The following MYO9A variants were observed in gnomAD, a reference collection of about 807,000 sequenced individuals.
MYO9A encodes the protein unconventional myosin-IXa.
MYO9A carries 103 observed loss-of-function variants against 293.3 expected under a neutral mutation model. That is an observed-to-expected ratio of 0.35 (90% CI 0.30 to 0.41). MYO9A has a LOEUF of 0.41. Among genes scored for constraint, MYO9A ranks in the 10% least tolerant of loss-of-function variants. The probability of loss-of-function intolerance (pLI) is 1.00; values close to 1 mark genes in which losing one functional copy is unlikely to be tolerated. For synonymous variants in MYO9A, 1,001 were observed against 1,035.7 expected (o/e 0.97, Z 0.64); for missense variants, 2,685 against 3,033.0 (o/e 0.89, Z 2.69).
At chr15:72,033,688 C>A (rs1387433044) in intron 2 of MYO9A, among the ~76,000 whole-genome samples, 1 of 152,158 alleles carries the variant, frequency 6.6e-6, no homozygotes. Context: ...TAAAGATAAT[C>A]TATAGCTCAA....
intron 23 of MYO9A, 79 bp downstream of exon 23, chr15:71,901,112 T>C (rs2057469924): frequency 7.0e-7 from 1 of 1,435,038 alleles, no homozygotes; most frequent in Non-Finnish European, 9.3e-7. Context: ...GAAAATGTTT[T>C]ACAGTAAAAA....
intron 18 of MYO9A, among the ~76,000 whole-genome samples, chr15:71,926,985 C>A (rs1319783484): frequency 6.6e-6 from 1 of 152,090 alleles, no homozygotes; most frequent in Non-Finnish European, 1.5e-5. Flanking sequence ...GTGGGCTGGC[C>A]CTCAGGACCT....
At position 71,830,254 on chromosome 15, in the gene MYO9A, G is replaced by C; in HGVS notation, c.6895C>G (p.Arg2299Gly). ...YPGPSSPVVVRLPSVSDVSEE... is the reference protein window; with the variant it reads ...YPGPSSPVVVGLPSVSDVSEE... ...GAGACATCAGACACAGAAGGCAACC[G>C]AACTACAACAGGAGACGATGGACCT... Residue 2299 changes from arginine to glycine, a missense_variant, in exon 40 of 42, where the codon CGG becomes GGG. Around this residue, in one of 10 missense-constraint regions of MYO9A, gnomAD observed 350 missense variants for 328.9 expected, o/e 1.06. Coordinates refer to ENST00000356056, the MANE Select transcript of MYO9A (RefSeq NM_006901.4). The C allele has an allele frequency of 6.2e-7, 1 of 1,614,006 alleles. No individual in the cohort carries two copies. The highest frequency in any genetic ancestry group is 1.1e-5 in the South Asian group (1 of 91,068).
At chr15:71,828,465 T>C (rs972312366) in intron 40 of MYO9A, among the ~76,000 whole-genome samples, 1 of 152,170 alleles carries the variant, frequency 6.6e-6, no homozygotes, top group Admixed American at 6.5e-5. Context: ...CTTAAACTAT[T>C]TTCCATGAAG....
At chr15:72,026,275 G>GAAAAAAAAAA (rs35491673) in intron 4 of MYO9A, among the ~76,000 whole-genome samples, 1 of 63,496 alleles carries the variant, frequency 1.6e-5, no homozygotes, top group East Asian at 4.4e-4. Flanking sequence ...TCCGTCTCAA[G>GAAAAAAAAAA]AAAAAAAAAA....
chr15:72,009,751 T>G (rs2077119490), intron 7 of MYO9A, among the ~76,000 whole-genome samples: 1 of 152,030 alleles, frequency 6.6e-6, no homozygotes, highest in Non-Finnish European at 1.5e-5. Context: ...GACATATTCA[T>G]CAGCACGACT....
At chr15:72,098,795 G>T (rs1458356035) in intron 1 of MYO9A, among the ~76,000 whole-genome samples, 1 of 151,760 alleles carries the variant, frequency 6.6e-6, no homozygotes, top group African/African-American at 2.4e-5. Flanking sequence ...AATATAATGA[G>T]ACCACACCCC....
chr15:71,982,005 A>ATTTTTTTTTTTTTTT lies in MYO9A; in HGVS notation c.1723-3728_1723-3714dup, dbSNP rs750930471. ...TTGTTCAACCTCTAGCCTATTTAGAATTTTTTTTTTTTTTTTTTTTTTTTT... is the reference window on the plus strand; with the variant it reads ...TTGTTCAACCTCTAGCCTATTTAGAATTTTTTTTTTTTTTTTTTTTTTTTTTTTTTTTTTTTTTTT... On this transcript the variant is annotated intron_variant, in intron 11 of 41. Coordinates refer to ENST00000356056, the MANE Select transcript of MYO9A (RefSeq NM_006901.4). 8.9e-5 allele frequency among the ~76,000 whole-genome samples: 5 copies of ATTTTTTTTTTTTTTT among 56,258 alleles called. 2 individuals are homozygous for ATTTTTTTTTTTTTTT. The highest frequency in any genetic ancestry group is 4.4e-4 in the African/African-American group (5 of 11,462). The allele number at this position is 56,258 out of a possible 152,430, so 36.9% of individuals were successfully genotyped here. A position where few individuals can be genotyped will look rare whatever the true frequency, so the allele number is the denominator to read the frequency against.
rs186662834 is a variant in MYO9A at position 72,097,940 on chromosome 15, A to T, written c.-72+19740T>A. Among the ~76,000 whole-genome samples the T allele has an allele frequency of 4.9e-3, 741 of 151,970 alleles. 4 individuals carry two copies. Among genetic ancestry groups the T allele is most frequent in the Non-Finnish European group, 5.5e-3 (374 of 67,950 alleles). ...AAATAAATAAAATAAAAATTTTTTTAAAAAAAAGAAGAAACAGAAAAAGAA... is the reference window on the plus strand; with the variant it reads ...AAATAAATAAAATAAAAATTTTTTTTAAAAAAAGAAGAAACAGAAAAAGAA... On this transcript the variant is annotated intron_variant, in intron 1 of 41. Transcript: ENST00000356056.
chr15:72,005,401 C>T (rs1195320244), intron 8 of MYO9A, among the ~76,000 whole-genome samples: 1 of 152,074 alleles, frequency 6.6e-6, no homozygotes, highest in South Asian at 2.1e-4. Flanking sequence ...GAAACAGAAG[C>T]CCTGGTTTCT....
At chr15:72,059,703 A>G (rs1355534608) in intron 1 of MYO9A, among the ~76,000 whole-genome samples, 2 of 152,204 alleles carry the variant, frequency 1.3e-5, no homozygotes, top group Non-Finnish European at 2.9e-5. Flanking sequence ...TTTTCATGAA[A>G]AGCCTCTCAC....
chr15:71,826,648 T>G lies in MYO9A; in HGVS notation c.7579A>C (p.Thr2527Pro). Residue 2527 changes from threonine (T) to proline (P), a missense_variant, in exon 42 of 42, where the codon ACT (threonine) becomes CCT (proline). By Grantham distance (38) the Thr-to-Pro change is conservative. Around this residue, in one of 10 missense-constraint regions of MYO9A, gnomAD observed 350 missense variants for 328.9 expected, o/e 1.06. Coordinates refer to ENST00000356056, the MANE Select transcript of MYO9A (RefSeq NM_006901.4). ...EGTVMSGRRK[T>P]VDPDCTSNQQ... ...TTGGAGGTGCAGTCTGGGTCCACAG[T>G]TTTTCTGCGGCCAGACATGACTGTC... 3 of 1,613,092 alleles carry G rather than the reference T, an allele frequency of 1.9e-6. No homozygotes were observed. Among genetic ancestry groups the G allele is most frequent in the Non-Finnish European group, 2.5e-6 (3 of 1,179,790 alleles).
chr15:71,998,535 TA>T, intron 9 of MYO9A, among the ~76,000 whole-genome samples: 1 of 149,366 alleles, frequency 6.7e-6, no homozygotes, highest in Non-Finnish European at 1.5e-5. Context: ...ATAAAACTCT[TA>T]AAGATTTGGC....
intron 27 of MYO9A, among the ~76,000 whole-genome samples, chr15:71,884,125 T>C (rs2056954537): frequency 6.6e-6 from 1 of 152,110 alleles, no homozygotes; most frequent in Non-Finnish European, 1.5e-5. Context: ...GGATTTAGTA[T>C]ATACACAATT....
intron 18 of MYO9A, among the ~76,000 whole-genome samples, chr15:71,931,939 A>C (rs544926325): frequency 6.6e-6 from 1 of 152,126 alleles, no homozygotes; most frequent in East Asian, 1.9e-4. Flanking sequence ...CCAGGAAATT[A>C]GGATGTGCCA....
rs140166957 is a variant in MYO9A at position 71,986,052 on chromosome 15, A to C, written c.1722+5051T>G. ...GTAATACAAGTAACAGAAAACATAC[A>C]ATTGGCCCTCCATATCTGCAAAAGT... On this transcript the variant is annotated intron_variant, in intron 11 of 41. Transcript: ENST00000356056. Among the ~76,000 whole-genome samples the C allele has an allele frequency of 4.6e-5, 7 of 152,372 alleles. No homozygotes were observed. The East Asian group carries it at 1.3e-3, about 29-fold the overall frequency.
At chr15:72,044,859 A>G (rs2078335674) in intron 2 of MYO9A, among the ~76,000 whole-genome samples, 1 of 152,196 alleles carries the variant, frequency 6.6e-6, no homozygotes. Context: ...GGGGATATAC[A>G]ATGACTACAG....
intron 1 of MYO9A, among the ~76,000 whole-genome samples, chr15:72,062,022 G>A (rs1308236725): frequency 6.6e-6 from 1 of 152,190 alleles, no homozygotes. Context: ...TTGAGGAAAA[G>A]TAAGGGAAGA....
intron 18 of MYO9A, among the ~76,000 whole-genome samples, chr15:71,920,544 AAT>A (rs2058129334): frequency 6.6e-6 from 1 of 152,186 alleles, no homozygotes; most frequent in African/African-American, 2.4e-5. Flanking sequence ...CTTACACTGT[AAT>A]ATATTTCTTT....
Sources: gnomAD v4.1 joint callset for allele counts (sites outside exome capture counted in the v4.1 genomes callset) on GRCh38, gnomAD v4.1.1 for gene constraint, gnomAD v4.1.1 regional missense constraint, MANE v1.5 for transcripts, NCBI Gene and HGNC (gene_info 2026-07-23, HGNC 2026-07-21) for gene names.